The following PDE4C variants were observed in gnomAD, a reference collection of about 807,000 sequenced individuals.
The protein encoded by PDE4C is phosphodiesterase 4C.
A neutral mutation model predicts 63.9 loss-of-function variants in PDE4C; 50 were observed. That is an observed-to-expected ratio of 0.78 (90% CI 0.62 to 0.99). PDE4C has a LOEUF of 0.99. Ranked by LOEUF, PDE4C falls within the 50% of genes least tolerant of loss-of-function variation. PDE4C has a pLI of 0.00. For missense variants in PDE4C, 777 were observed against 899.1 expected, an observed-to-expected ratio of 0.86 and a Z score of 1.74; for synonymous variants, 377 against 385.1, an observed-to-expected ratio of 0.98 and a Z score of 0.25.
intron 12 of PDE4C, 143 bp downstream of exon 12, chr19:18,216,598 G>A: frequency 3.9e-6 from 3 of 775,274 alleles, no homozygotes; most frequent in Non-Finnish European, 6.0e-6. Context: ...TCACAGATGA[G>A]GAAGCTCAGA....
intron 1 of PDE4C, among the ~76,000 whole-genome samples, chr19:18,241,126 T>C (rs568205624): frequency 5.9e-5 from 9 of 152,080 alleles, no homozygotes; most frequent in African/African-American, 2.2e-4. Context: ...TCCTGGTAGC[T>C]GGGAGGGTGT....
At chr19:18,226,150 C>T in intron 1 of PDE4C, 120 bp downstream of exon 1, 3 of 722,484 alleles carry the variant, frequency 4.2e-6, no homozygotes, top group Non-Finnish European at 7.0e-6. Flanking sequence ...AGAGGCAGAG[C>T]GTCCAAGCCC....
chr19:18,241,220 C>T (rs1459707875), intron 1 of PDE4C, among the ~76,000 whole-genome samples: 18 of 122,210 alleles, frequency 1.5e-4, no homozygotes, highest in African/African-American at 4.5e-4. Flanking sequence ...TGCTCATTTT[C>T]TTTTTTCTTT....
chr19:18,219,504 T>C (rs1968366263), intron 7 of PDE4C, 107 bp from the exon 8 acceptor site: 1 of 1,284,216 alleles, frequency 7.8e-7, no homozygotes, highest in African/African-American at 1.5e-5. Flanking sequence ...TTTCCCTTTC[T>C]ACAGGAACCA....
intron 1 of PDE4C, among the ~76,000 whole-genome samples, chr19:18,225,307 C>G (rs938513726): frequency 6.6e-6 from 1 of 152,164 alleles, no homozygotes; most frequent in East Asian, 1.9e-4. Context: ...CCGCGACGCG[C>G]CCTCGACGTC....
At chr19:18,234,941 T>G (rs1281726433), upstream of PDE4C, among the ~76,000 whole-genome samples, 2 of 152,280 alleles carry the variant, frequency 1.3e-5, no homozygotes, top group Admixed American at 1.3e-4. Context: ...GGGAGACAAC[T>G]TGGCTCAATG....
upstream of PDE4C, chr19:18,252,534 G>T: frequency 2.5e-6 from 1 of 398,668 alleles, no homozygotes; most frequent in East Asian, 3.6e-5. Context: ...AGAGGTCAAG[G>T]TGAGAGCATC....
intron 13 of PDE4C, among the ~76,000 whole-genome samples, chr19:18,212,833 G>A (rs1450360943): frequency 9.0e-4 from 136 of 150,802 alleles, no homozygotes; most frequent in African/African-American, 2.8e-3. Flanking sequence ...GATTACAGGC[G>A]CCCGCCACCA....
At chr19:18,232,408 T>TGTGC (rs1475190333) in intron 1 of PDE4C, among the ~76,000 whole-genome samples, 1 of 149,712 alleles carries the variant, frequency 6.7e-6, no homozygotes, top group Non-Finnish European at 1.5e-5. Flanking sequence ...TGTGTGTGTG[T>TGTGC]GCGTGTGTGT....
chr19:18,245,024 A>G lies in PDE4C; in HGVS notation c.-210+3147T>C, dbSNP rs892913535. Reference sequence around the variant, plus strand: ...CTAATTTTTTGTATTTGTAGTAGAGACAGGGTTTCACCATGTTGGCCAGGA... The same window carrying G: ...CTAATTTTTTGTATTTGTAGTAGAGGCAGGGTTTCACCATGTTGGCCAGGA... On this transcript the variant is annotated intron_variant, in intron 1 of 15. Transcript: ENST00000594617. Among the ~76,000 whole-genome samples the G allele has an allele frequency of 3.9e-5, 6 of 152,046 alleles. No individual in the cohort carries two copies. In the East Asian group the frequency reaches 1.2e-3, roughly 29 times the overall value.
At chr19:18,245,355 G>C (rs1969111609) in intron 1 of PDE4C, among the ~76,000 whole-genome samples, 1 of 151,768 alleles carries the variant, frequency 6.6e-6, no homozygotes, top group Non-Finnish European at 1.5e-5. Flanking sequence ...AGTAGAGACA[G>C]GGTTTCTCCA....
Position 18,226,457 on chromosome 19 carries a change from G to T in PDE4C, c.-42C>A. ...AGGCTGGACCGAGCGCCGGCTGCGC[G>T]GGACCTTTTCTGGACAGCTGCGGGG... is the stretch of plus-strand genomic sequence containing the variant. On this transcript the variant is annotated 5_prime_UTR_variant, in exon 1 of 15. Coordinates refer to ENST00000262805, the Ensembl canonical transcript of PDE4C. 3 of 1,354,492 alleles carry T rather than the reference G, an allele frequency of 2.2e-6. No individual in the cohort carries two copies. Among genetic ancestry groups the T allele is most frequent in the Non-Finnish European group, 2.8e-6 (3 of 1,058,560 alleles). The allele number at this position is 1,354,492 out of a possible 1,614,324, so 83.9% of individuals were successfully genotyped here.
exon 1 of PDE4C, chr19:18,233,492 C>T: frequency 1.4e-5 from 9 of 648,150 alleles, no homozygotes; most frequent in Non-Finnish European, 2.6e-5. Flanking sequence ...GCCCCGAAAA[C>T]CGTCTGCCGT....
chr19:18,220,372 C>T lies in PDE4C; in HGVS notation c.612+31G>A. ...GATGATGGGGCACCGTGGGCCGAGGCAGGTGAGCTCAGCGATCTGCCCCAC... is the reference window on the plus strand; with the variant it reads ...GATGATGGGGCACCGTGGGCCGAGGTAGGTGAGCTCAGCGATCTGCCCCAC... On this transcript the variant is annotated intron_variant, in intron 6 of 14. Coordinates refer to ENST00000262805, the Ensembl canonical transcript of PDE4C. The surrounding 1 kb of genome is among the most constrained non-coding windows in gnomAD (Gnocchi z 5.1). The T allele has an allele frequency of 6.2e-7, 1 of 1,611,160 alleles. No individual in the cohort carries two copies.
At chr19:18,222,217 G>A (rs1354369697) in exon 2 of PDE4C, 12 of 1,614,140 alleles carry the variant, frequency 7.4e-6, no homozygotes, top group African/African-American at 2.7e-5. Context: ...AAGGACTCGC[G>A]CCGCTGGCTG....
upstream of PDE4C, chr19:18,249,811 G>A (rs1969208884): frequency 7.9e-6 from 2 of 252,490 alleles, no homozygotes; most frequent in Non-Finnish European, 1.5e-5. Flanking sequence ...AAGCTCAGGA[G>A]ATCTGCCCGC....
At chr19:18,246,462 C>A (rs948285485) in intron 1 of PDE4C, among the ~76,000 whole-genome samples, 1 of 152,026 alleles carries the variant, frequency 6.6e-6, no homozygotes, top group African/African-American at 2.4e-5. Flanking sequence ...AGATTACAGG[C>A]GTGAGCCACC....
rs1442105413 is a variant in PDE4C, at chr19:18,219,012, T to C, written c.897A>G (p.Gly299=). 2.5e-6 allele frequency: 4 copies of C among 1,613,194 alleles called. No individual in the cohort carries two copies. In the African/African-American group the frequency reaches 5.3e-5, roughly 22 times the overall value. Residue 299 remains glycine (G), a synonymous_variant, in exon 9 of 15, where the codon GGA becomes GGG. Transcript: ENST00000262805. ...GCTCCGCCACCTTGAACACATCAAG[T>C]CCCCACTTGTTGGTGTCTTCTAGCT...
At chr19:18,213,630 C>T (rs1387925760) in intron 12 of PDE4C, 140 bp from the exon 13 acceptor site, 2 of 947,098 alleles carry the variant, frequency 2.1e-6, no homozygotes, top group African/African-American at 3.3e-5. Flanking sequence ...AAGGATGCAA[C>T]TGCATTCACT....
Sources: allele counts gnomAD v4.1 joint callset (sites outside exome capture counted in the v4.1 genomes callset), GRCh38; gene constraint gnomAD v4.1.1; non-coding constraint Gnocchi (gnomAD v3.1); transcripts MANE v1.5; gene names NCBI Gene and HGNC (gene_info 2026-07-23, HGNC 2026-07-21).